NEDD4L: variants seen among roughly 807,000 people sequenced by gnomAD.
The protein encoded by NEDD4L is E3 ubiquitin-protein ligase NEDD4-like.
A neutral mutation model predicts 148.9 loss-of-function variants in NEDD4L; 54 were observed. The observed-to-expected ratio is 0.36, with a 90% confidence interval of 0.29 to 0.45. The LOEUF (loss-of-function observed/expected upper bound fraction) is 0.45. Ranked by LOEUF, NEDD4L falls within the 20% of genes least tolerant of loss-of-function variation. NEDD4L has a pLI of 1.00. For missense variants in NEDD4L, 856 were observed against 1,233.8 expected (o/e 0.69, Z 4.59); for synonymous variants, 433 against 440.7 (o/e 0.98, Z 0.22).
intron 2 of NEDD4L, among the ~76,000 whole-genome samples, chr18:58,244,905 A>AGGG: frequency 6.6e-6 from 1 of 152,272 alleles, no homozygotes; most frequent in South Asian, 2.1e-4. Context: ...CAGGTTGGCC[A>AGGG]GGCTGGTCTT....
intron 22 of NEDD4L, among the ~76,000 whole-genome samples, chr18:58,368,167 T>C (rs1211267771): frequency 6.6e-6 from 1 of 152,232 alleles, no homozygotes; most frequent in East Asian, 1.9e-4. Flanking sequence ...CAAGATTTGA[T>C]AACAGATGGA....
At chr18:58,168,923 G>T (rs2037206824) in intron 2 of NEDD4L, among the ~76,000 whole-genome samples, 1 of 152,208 alleles carries the variant, frequency 6.6e-6, no homozygotes, top group South Asian at 2.1e-4. Context: ...GGTGGTTGCG[G>T]GGCAGAATGT....
chr18:58,181,474 A>G lies in NEDD4L; in HGVS notation c.122+15613A>G, dbSNP rs557470701. 6.6e-5 allele frequency among the ~76,000 whole-genome samples: 10 copies of G among 152,300 alleles called. 1 individual carries two copies. Among genetic ancestry groups the G allele is most frequent in the African/African-American group, 2.2e-4 (9 of 41,548 alleles). On this transcript the variant is annotated intron_variant, in intron 2 of 30. Transcript: ENST00000400345. Reference sequence around the variant, plus strand: ...ATTAGCAGAGCCTCTCTGTGTCACCAAGACTGGAGTGCAGTGGTGCGGCTG... The same window carrying G: ...ATTAGCAGAGCCTCTCTGTGTCACCGAGACTGGAGTGCAGTGGTGCGGCTG...
At chr18:58,093,511 G>A (rs552624636) in intron 1 of NEDD4L, among the ~76,000 whole-genome samples, 9 of 149,802 alleles carry the variant, frequency 6.0e-5, no homozygotes, top group Admixed American at 2.7e-4. Flanking sequence ...TTGTCTCTAG[G>A]TGGGGTAAAT....
At position 58,364,259 on chromosome 18, in the gene NEDD4L, A is replaced by G. The variant is rs2045856560; in HGVS notation, c.1768-9A>G. 1 of 1,509,436 alleles carries G rather than the reference A, an allele frequency of 6.6e-7. No individual in the cohort carries two copies. The highest frequency in any genetic ancestry group is 9.0e-7 in the Non-Finnish European group (1 of 1,109,368). The allele number at this position is 1,509,436 out of a possible 1,614,324, so 93.5% of individuals were successfully genotyped here. A position where few individuals can be genotyped will look rare whatever the true frequency, so the allele number is the denominator to read the frequency against. Reference sequence around the variant, plus strand: ...TTGCATTATCTATATTTATAAATTTATCTTCCAGGCTGTCCCTTACTCCAG... The same window carrying G: ...TTGCATTATCTATATTTATAAATTTGTCTTCCAGGCTGTCCCTTACTCCAG... On this transcript the variant is annotated splice_polypyrimidine_tract_variant and intron_variant, in intron 19 of 30. Coordinates refer to ENST00000400345, the MANE Select transcript of NEDD4L (RefSeq NM_001144967.3).
chr18:58,361,161 A>G (rs1316055986), intron 19 of NEDD4L, among the ~76,000 whole-genome samples: 1 of 152,186 alleles, frequency 6.6e-6, no homozygotes, highest in Non-Finnish European at 1.5e-5. Flanking sequence ...CCCTATGTCT[A>G]GGTCCAGTGC....
chr18:58,256,132 C>T lies in NEDD4L; in HGVS notation c.297+4078C>T. 8.2e-7 allele frequency: 1 copy of T among 1,225,436 alleles called. No individual in the cohort carries two copies. Among genetic ancestry groups the T allele is most frequent in the Non-Finnish European group, 1.0e-6 (1 of 983,970 alleles). 75.9% of individuals were successfully genotyped at this position (1,225,436 alleles called of 1,614,324 possible). ...CGAGGGCAGCCCGGGACCCAGGGCTCCAGGTCAACGGCACGTGCGGCCGCC... is the reference window on the plus strand; with the variant it reads ...CGAGGGCAGCCCGGGACCCAGGGCTTCAGGTCAACGGCACGTGCGGCCGCC... On this transcript the variant is annotated intron_variant, in intron 5 of 30. Transcript: ENST00000400345. This position sits in a 1 kb window ranked among gnomAD's most constrained non-coding sequence, Gnocchi z 5.2.
At chr18:58,052,371 A>G (rs2081912822) in intron 1 of NEDD4L, among the ~76,000 whole-genome samples, 2 of 152,164 alleles carry the variant, frequency 1.3e-5, no homozygotes, top group Admixed American at 1.3e-4. Context: ...AGTGCTGATT[A>G]TTGTAATCCC....
intron 30 of NEDD4L, 53 bp downstream of exon 30, chr18:58,391,612 G>A (rs2049844483): frequency 4.6e-6 from 6 of 1,299,270 alleles, no homozygotes; most frequent in East Asian, 2.5e-5. Context: ...TGCTTAGCTG[G>A]GTATGGTGCT....
rs564442 is a variant in NEDD4L, at chr18:58,165,664, C to T, written c.49-124C>T. On this transcript the variant is annotated intron_variant, in intron 1 of 30. Transcript: ENST00000400345. ...AGTGTAAGGAAGAATTGCTTATGCTCGAATTGATTTGTTCTGTATCCCAAT... is the reference window on the plus strand; with the variant it reads ...AGTGTAAGGAAGAATTGCTTATGCTTGAATTGATTTGTTCTGTATCCCAAT... 762,216 of 1,523,286 alleles carry T rather than the reference C, an allele frequency of 0.5. 193,260 individuals are homozygous for T. The highest frequency in any genetic ancestry group is 0.6 in the Admixed American group (30,644 of 50,690). The allele number at this position is 1,523,286 out of a possible 1,614,324, so 94.4% of individuals were successfully genotyped here.
chr18:58,352,852 C>T (rs2044089251), intron 18 of NEDD4L, among the ~76,000 whole-genome samples: 1 of 152,104 alleles, frequency 6.6e-6, no homozygotes, highest in Non-Finnish European at 1.5e-5. Context: ...CTTAGGTCCC[C>T]CTAAAAAGAA....
chr18:58,233,867 A>G (rs1425678695), intron 2 of NEDD4L, among the ~76,000 whole-genome samples: 1 of 152,084 alleles, frequency 6.6e-6, no homozygotes, highest in South Asian at 2.1e-4. Context: ...CTAGTTTGTG[A>G]TGTTTGCCAG....
chr18:58,385,506 T>C lies in NEDD4L; in HGVS notation c.2427-20T>C, dbSNP rs1355346011. ...AGTGATGATGGAGGTGGTTCAATAT[T>C]GTCCTCTTTTCTCCTGCAGCTTAGT... On this transcript the variant is annotated intron_variant, in intron 25 of 30. Coordinates refer to ENST00000400345, the MANE Select transcript of NEDD4L (RefSeq NM_001144967.3). The C allele has an allele frequency of 2.5e-6, 4 of 1,605,838 alleles. No individual in the cohort carries two copies. Among genetic ancestry groups the C allele is most frequent in the African/African-American group, 1.3e-5 (1 of 74,758 alleles).
intron 2 of NEDD4L, among the ~76,000 whole-genome samples, chr18:58,178,180 A>G (rs1234191828): frequency 1.3e-5 from 2 of 152,140 alleles, no homozygotes; most frequent in East Asian, 3.9e-4. Flanking sequence ...TGTCAGTGTT[A>G]TTTTGTCATG....
intron 2 of NEDD4L, among the ~76,000 whole-genome samples, chr18:58,236,806 C>T (rs1203518753): frequency 6.6e-6 from 1 of 152,120 alleles, no homozygotes; most frequent in Non-Finnish European, 1.5e-5. Context: ...GTTGGATCAC[C>T]TGAGGTAGGG....
At chr18:58,081,506 C>G (rs563739993) in intron 1 of NEDD4L, among the ~76,000 whole-genome samples, 1 of 152,004 alleles carries the variant, frequency 6.6e-6, no homozygotes, top group Non-Finnish European at 1.5e-5. Context: ...TGAGCCACCG[C>G]ACCCAGCTGG....
chr18:58,081,662 C>T (rs971442822), intron 1 of NEDD4L, among the ~76,000 whole-genome samples: 4 of 152,140 alleles, frequency 2.6e-5, no homozygotes, highest in African/African-American at 9.7e-5. Flanking sequence ...TGCCCTGATG[C>T]TGAACTGCAG....
chr18:58,381,286 A>G (rs1449793790), intron 24 of NEDD4L, among the ~76,000 whole-genome samples: 1 of 152,202 alleles, frequency 6.6e-6, no homozygotes, highest in Non-Finnish European at 1.5e-5. Flanking sequence ...ACTCAGCAAC[A>G]CTGGCTTATT....
At chr18:58,205,756 C>T (rs751386757) in intron 2 of NEDD4L, among the ~76,000 whole-genome samples, 15 of 151,934 alleles carry the variant, frequency 9.9e-5, no homozygotes, top group Admixed American at 2.0e-4. Context: ...ACTCCCAAAC[C>T]CTTTCCCTGG....
Sources: allele counts gnomAD v4.1 joint callset (sites outside exome capture counted in the v4.1 genomes callset), GRCh38; gene constraint gnomAD v4.1.1; non-coding constraint Gnocchi (gnomAD v3.1); transcripts MANE v1.5; gene names NCBI Gene and HGNC (gene_info 2026-07-23, HGNC 2026-07-21).